Variants in TRIM72 observed in about 807,000 individuals in gnomAD.
The protein encoded by TRIM72 is tripartite motif containing 72.
In TRIM72, 33 loss-of-function variants were observed where a neutral mutation model predicts 31.6. The ratio of observed to expected loss-of-function variants is 1.04; its 90% confidence interval spans 0.79 to 1.40. TRIM72 has a LOEUF of 1.40. Ranked by LOEUF, TRIM72 falls within the 40% of genes most tolerant of loss-of-function variation. The pLI is 0.00. For synonymous variants in TRIM72, 301 were observed against 314.4 expected, an observed-to-expected ratio of 0.96 and a Z score of 0.45; for missense variants, 666 against 682.7, an observed-to-expected ratio of 0.98 and a Z score of 0.27.
rs1216618976 is a variant in TRIM72, at chr16:31,216,153, G to C, written c.390+1025G>C. Reference sequence around the variant, plus strand: ...TGCATTACTCCTTTTGCCTTGACCCGCCTCCTAGAAGGGGTAGACCACCGT... The same window carrying C: ...TGCATTACTCCTTTTGCCTTGACCCCCCTCCTAGAAGGGGTAGACCACCGT... On this transcript the variant is annotated intron_variant, in intron 2 of 6. Transcript: ENST00000322122. The surrounding 1 kb of genome is among the most constrained non-coding windows in gnomAD (Gnocchi z 6.7). 2.6e-5 allele frequency: 4 copies of C among 152,174 alleles called. No individual in the cohort carries two copies. Among genetic ancestry groups the C allele is most frequent in the South Asian group, 2.1e-4 (1 of 4,834 alleles). The allele number at this position is 152,174 out of a possible 1,614,324, so 9.4% of individuals were successfully genotyped here.
In TRIM72 at chr16:31,219,568, C is replaced by A; in HGVS notation, c.717+49C>A. 6.7e-7 allele frequency: 1 copy of A among 1,500,912 alleles called. No individual in the cohort carries two copies. The allele number at this position is 1,500,912 out of a possible 1,614,324, so 93.0% of individuals were successfully genotyped here. A position where few individuals can be genotyped will look rare whatever the true frequency, so the allele number is the denominator to read the frequency against. ...CCTGCCTCAGCCCCCTGCTCAGGGC[C>A]CAGAGACCTCATCCCATTGTCAGAT... On this transcript the variant is annotated intron_variant, in intron 4 of 6. Transcript: ENST00000322122. This position sits in a 1 kb window ranked among gnomAD's most constrained non-coding sequence, Gnocchi z 4.2.
chr16:31,217,220 T>A (rs1036632805), intron 2 of TRIM72: 2 of 618,162 alleles, frequency 3.2e-6, no homozygotes, highest in Non-Finnish European at 5.5e-6. Context: ...CAGTTTCCCC[T>A]GGGAGAGTGG....
At position 31,224,481 on chromosome 16, in the gene TRIM72, A is replaced by T. The variant is rs2079547222; in HGVS notation, c.1160A>T (p.Glu387Val). 2 of 1,477,986 alleles carry T rather than the reference A, an allele frequency of 1.4e-6. No individual in the cohort carries two copies. The highest frequency in any genetic ancestry group is 1.5e-5 in the African/African-American group (1 of 68,008). The allele number at this position is 1,477,986 out of a possible 1,614,324, so 91.6% of individuals were successfully genotyped here. The change falls in exon 7 of 7, where the codon GAG (glutamate) becomes GTG (valine). Residue 387 changes from glutamate (E) to valine (V), a missense_variant. Coordinates refer to ENST00000322122, the MANE Select transcript of TRIM72 (RefSeq NM_001008274.4). ...SQGLWLLGLR[E>V]GKILEAHVEA... ...GGCCTGTGGCTGCTGGGGCTGCGCG[A>T]GGGCAAGATCCTGGAGGCACACGTG...
chr16:31,215,045 C>CTGGT lies in TRIM72; in HGVS notation c.308_311dup (p.Cys105GlyfsTer97). 3 of 1,505,326 alleles carry CTGGT rather than the reference C, an allele frequency of 2.0e-6. No individual in the cohort carries two copies. Among genetic ancestry groups the CTGGT allele is most frequent in the African/African-American group, 2.9e-5 (2 of 69,300 alleles). 93.2% of individuals were successfully genotyped at this position (1,505,326 alleles called of 1,614,324 possible). A position where few individuals can be genotyped will look rare whatever the true frequency, so the allele number is the denominator to read the frequency against. Reference sequence around the variant, plus strand: ...CATCTACTGCGAGCAGGACCGCGCGCTGGTGTGCGGAGTGTGCGCCTCACT... The same window carrying CTGGT: ...CATCTACTGCGAGCAGGACCGCGCGCTGGTTGGTGTGCGGAGTGTGCGCCTCACT... On this transcript the variant is annotated frameshift_variant, in exon 2 of 7. Transcript: ENST00000322122. LOFTEE classifies it high-confidence loss of function. The surrounding 1 kb of genome is among the most constrained non-coding windows in gnomAD (Gnocchi z 6.3).
Position 31,216,725 on chromosome 16 carries a change from G to C in TRIM72, c.390+1597G>C. 1 of 1,573,250 alleles carries C rather than the reference G, an allele frequency of 6.4e-7. No individual in the cohort carries two copies. The highest frequency in any genetic ancestry group is 8.7e-7 in the Non-Finnish European group (1 of 1,155,646). On this transcript the variant is annotated intron_variant, in intron 2 of 6. Coordinates refer to ENST00000322122, the MANE Select transcript of TRIM72 (RefSeq NM_001008274.4). This position sits in a 1 kb window ranked among gnomAD's most constrained non-coding sequence, Gnocchi z 6.7. ...GGTCCTTGGCGAGGAAGCGGGGTTG[G>C]GTCCCGAGATCACGTACCAGCTCAG...
Position 31,214,872 on chromosome 16 carries a change from C to A in TRIM72, c.134C>A (p.Pro45Gln). ...TGCCTAGGCCGCGTGGCCGGGGAGCCGGCGGCGGATGGCACCGTTCTCTGC... is the reference window on the plus strand; with the variant it reads ...TGCCTAGGCCGCGTGGCCGGGGAGCAGGCGGCGGATGGCACCGTTCTCTGC... ...RACLGRVAGE[P>Q]AADGTVLCPC... Residue 45 changes from proline to glutamine, a missense_variant, in exon 2 of 7, where the codon CCG becomes CAG. Coordinates refer to ENST00000322122, the MANE Select transcript of TRIM72 (RefSeq NM_001008274.4). The A allele has an allele frequency of 6.5e-7, 1 of 1,531,340 alleles. No individual in the cohort carries two copies. Among genetic ancestry groups the A allele is most frequent in the Non-Finnish European group, 8.7e-7 (1 of 1,147,218 alleles). 94.9% of individuals were successfully genotyped at this position (1,531,340 alleles called of 1,614,324 possible).
intron 2 of TRIM72, chr16:31,217,336 C>T: frequency 2.8e-6 from 1 of 356,496 alleles, no homozygotes. Flanking sequence ...GGTCAGGCAC[C>T]TCCCAGCAAA....
Position 31,227,064 on chromosome 16 carries a change from C to T in TRIM72, c.*2309C>T, listed in dbSNP as rs529586720. The stretch of plus-strand genomic sequence containing the variant: ...TTCAGGAGACAGAAGAGAGGATTAA[C>T]GGTAGAAGCTCTTTCATGTTAGAAA... On this transcript the variant is annotated 3_prime_UTR_variant, in exon 7 of 7. Transcript: ENST00000322122. The T allele has an allele frequency of 2.0e-5, 3 of 152,286 alleles. No homozygotes were observed. The South Asian group carries it at 6.2e-4, about 32-fold the overall frequency. 9.4% of individuals were successfully genotyped at this position (152,286 alleles called of 1,614,324 possible).
At position 31,214,743 on chromosome 16, in the gene TRIM72, C is replaced by T; in HGVS notation, c.5C>T (p.Ser2Leu). 22 of 1,570,376 alleles carry T rather than the reference C, an allele frequency of 1.4e-5. No homozygotes were observed. Among genetic ancestry groups the T allele is most frequent in the Non-Finnish European group, 1.8e-5 (21 of 1,168,656 alleles). M[S>L]AAPGLLHQEL... ...CCTCCTCCACCCAGGCCCGCCATGT[C>T]GGCTGCGCCCGGCCTCCTGCACCAG... is the stretch of plus-strand genomic sequence containing the variant. The change falls in exon 2 of 7, where the codon TCG (serine) becomes TTG (leucine). Residue 2 changes from serine to leucine, a missense_variant. Coordinates refer to ENST00000322122, the MANE Select transcript of TRIM72 (RefSeq NM_001008274.4).
At chr16:31,214,668 G>GGCC in intron 1 of TRIM72, 64 bp from the exon 2 acceptor site, 1 of 1,410,996 alleles carries the variant, frequency 7.1e-7, no homozygotes, top group South Asian at 1.5e-5. Context: ...GCTAGGGCTG[G>GGCC]GCCAGGGCTG....
rs564747195 is a variant in TRIM72, at chr16:31,224,668, G to A, written c.1347G>A (p.Val449=). 23 of 1,550,234 alleles carry A rather than the reference G, an allele frequency of 1.5e-5. No homozygotes were observed. In the South Asian group the frequency reaches 2.1e-4, roughly 14 times the overall value. Residue 449 remains valine (V), a synonymous_variant, in exon 7 of 7, where the codon GTG becomes GTA. Coordinates refer to ENST00000322122, the MANE Select transcript of TRIM72 (RefSeq NM_001008274.4). The stretch of plus-strand genomic sequence containing the variant: ...TCCACGAGCGCCTGCCCAGGCCCGT[G>A]TACCCCTTCTTCGACGTGTGCTGGC... The part of the protein sequence containing the change: ...FAFHERLPRP[V]YPFFDVCWHD...
intron 2 of TRIM72, chr16:31,217,237 C>G: frequency 6.8e-6 from 4 of 585,922 alleles, no homozygotes. Context: ...GTGGGGGCGC[C>G]AAATTGTTGA....
At position 31,216,472 on chromosome 16, in the gene TRIM72, C is replaced by A. The variant is rs895331543; in HGVS notation, c.390+1344C>A. ...ACAAAAAAAACCCAACCTCGCCCAA[C>A]CTTGCCCGTCTTTATCTGCGAAGAA... On this transcript the variant is annotated intron_variant, in intron 2 of 6. Transcript: ENST00000322122. The surrounding 1 kb of genome is among the most constrained non-coding windows in gnomAD (Gnocchi z 6.7). 3 of 403,870 alleles carry A rather than the reference C, an allele frequency of 7.4e-6. No individual in the cohort carries two copies. Among genetic ancestry groups the A allele is most frequent in the African/African-American group, 2.1e-5 (1 of 48,660 alleles). The allele number at this position is 403,870 out of a possible 1,614,324, so 25.0% of individuals were successfully genotyped here.
At chr16:31,222,497 T>TTTTTTTTTC (rs1642564554) in intron 5 of TRIM72, among the ~76,000 whole-genome samples, 8 of 149,208 alleles carry the variant, frequency 5.4e-5, no homozygotes, top group South Asian at 2.1e-4. Context: ...TTTTTTTTTT[T>TTTTTTTTTC]TAGACAGGAT....
At chr16:31,218,276 G>A (rs930705756) in intron 2 of TRIM72, among the ~76,000 whole-genome samples, 4 of 152,074 alleles carry the variant, frequency 2.6e-5, no homozygotes, top group East Asian at 1.9e-4. Context: ...GGGGTGTGGC[G>A]GTTCATGCCT....
chr16:31,221,014 C>T (rs531069987), intron 5 of TRIM72, 96 bp downstream of exon 5: 13 of 1,483,114 alleles, frequency 8.8e-6, no homozygotes, highest in Non-Finnish European at 1.1e-5. Context: ...TGCCTGCACA[C>T]CCGCAATTCA....
intron 5 of TRIM72, among the ~76,000 whole-genome samples, chr16:31,221,598 A>C (rs2079534228): frequency 7.7e-6 from 1 of 130,260 alleles, no homozygotes. Flanking sequence ...TGCTGGGGAG[A>C]AGGGCATTGG....
chr16:31,216,605 C>T lies in TRIM72; in HGVS notation c.390+1477C>T. Reference sequence around the variant, plus strand: ...GGGTTCGCGGCAGCCCAGCCCTTCGCCCCCGGGAGGGGCTGGCCGGAGGTC... The same window carrying T: ...GGGTTCGCGGCAGCCCAGCCCTTCGTCCCCGGGAGGGGCTGGCCGGAGGTC... On this transcript the variant is annotated intron_variant, in intron 2 of 6. Transcript: ENST00000322122. This position sits in a 1 kb window ranked among gnomAD's most constrained non-coding sequence, Gnocchi z 6.7. The T allele has an allele frequency of 2.2e-6, 2 of 919,348 alleles. No homozygotes were observed. The highest frequency in any genetic ancestry group is 2.5e-5 in the Admixed American group (1 of 40,530). The allele number at this position is 919,348 out of a possible 1,614,324, so 56.9% of individuals were successfully genotyped here.
chr16:31,216,395 G>T lies in TRIM72; in HGVS notation c.390+1267G>T. The T allele has an allele frequency of 4.2e-6, 1 of 240,546 alleles. No homozygotes were observed. The highest frequency in any genetic ancestry group is 8.5e-5 in the South Asian group (1 of 11,834). The allele number at this position is 240,546 out of a possible 1,614,324, so 14.9% of individuals were successfully genotyped here. ...CATGCTGTGGAAGCTTTGTTCTTTT[G>T]CTCTTTGCAATAAATCTTGCTGCCG... On this transcript the variant is annotated intron_variant, in intron 2 of 6. Coordinates refer to ENST00000322122, the MANE Select transcript of TRIM72 (RefSeq NM_001008274.4). The surrounding 1 kb of genome is among the most constrained non-coding windows in gnomAD (Gnocchi z 6.7).
Sources: allele counts gnomAD v4.1 joint callset (sites outside exome capture counted in the v4.1 genomes callset), GRCh38; gene constraint gnomAD v4.1.1; non-coding constraint Gnocchi (gnomAD v3.1); transcripts MANE v1.5; gene names NCBI Gene and HGNC (gene_info 2026-07-23, HGNC 2026-07-21).